Variants in FGD6 observed in about 807,000 individuals in gnomAD.
FGD6 encodes FYVE, RhoGEF and PH domain-containing protein 6.
Under a neutral mutation model 149.4 loss-of-function variants are expected in FGD6, and 90 were observed. The observed-to-expected ratio is 0.60, with a 90% CI of 0.51 to 0.72. The LOEUF (loss-of-function observed/expected upper bound fraction) is 0.72, where lower values mean the gene tolerates loss of function less well. Among genes scored for constraint, FGD6 ranks in the 30% least tolerant of loss-of-function variants. The pLI is 0.00. For synonymous variants in FGD6, 527 were observed against 584.0 expected, an observed-to-expected ratio of 0.90 and a Z score of 1.41; for missense variants, 1,437 against 1,684.8, an observed-to-expected ratio of 0.85 and a Z score of 2.57.
intron 2 of FGD6, among the ~76,000 whole-genome samples, chr12:95,179,659 T>C (rs1025668371): frequency 1.3e-5 from 2 of 152,176 alleles, no homozygotes; most frequent in Non-Finnish European, 2.9e-5. Context: ...TTGCAACTTT[T>C]ATATGTAATT....
At chr12:95,216,690 A>AAAC (rs1184700330) in intron 1 of FGD6, among the ~76,000 whole-genome samples, 1 of 132,400 alleles carries the variant, frequency 7.6e-6, no homozygotes, top group Non-Finnish European at 1.6e-5. Context: ...AAAAAAAAAA[A>AAAC]ACCTCAACAA....
At chr12:95,116,938 G>A (rs934594659) in intron 8 of FGD6, 8 of 455,662 alleles carry the variant, frequency 1.8e-5, no homozygotes, top group Admixed American at 1.2e-4. Context: ...TGAGTCAGAT[G>A]GGAGGAACAG....
At chr12:95,185,022 A>G (rs1204137776) in intron 2 of FGD6, among the ~76,000 whole-genome samples, 1 of 151,830 alleles carries the variant, frequency 6.6e-6, no homozygotes, top group African/African-American at 2.4e-5. Context: ...GACAGGCGCC[A>G]GCCACCATGC....
At chr12:95,202,732 T>C (rs2056669745) in intron 2 of FGD6, among the ~76,000 whole-genome samples, 1 of 152,120 alleles carries the variant, frequency 6.6e-6, no homozygotes, top group South Asian at 2.1e-4. Context: ...ACAGCTTTAT[T>C]GCCAAGAAAG....
At chr12:95,121,046 T>C (rs1238833481) in intron 8 of FGD6, among the ~76,000 whole-genome samples, 1 of 152,208 alleles carries the variant, frequency 6.6e-6, no homozygotes, top group African/African-American at 2.4e-5. Context: ...CTTTTTACTT[T>C]GACTGTATTT....
intron 15 of FGD6, among the ~76,000 whole-genome samples, 185 bp downstream of exon 15, chr12:95,094,406 CA>C (rs1471930938): frequency 2.0e-5 from 3 of 152,072 alleles, no homozygotes; most frequent in Non-Finnish European, 4.4e-5. Flanking sequence ...CACAGACTTG[CA>C]GTGAGACAAC....
At chr12:95,102,443 CAA>C (rs55926317) in intron 14 of FGD6, among the ~76,000 whole-genome samples, 7 of 104,202 alleles carry the variant, frequency 6.7e-5, no homozygotes, top group East Asian at 2.9e-4. Flanking sequence ...GACCCTTTCT[CAA>C]AAAAAAAAAA....
chr12:95,159,985 T>C (rs1319192393), intron 3 of FGD6, among the ~76,000 whole-genome samples: 1 of 151,112 alleles, frequency 6.6e-6, no homozygotes, highest in East Asian at 1.9e-4. Context: ...CTAGTTTGGG[T>C]GACAGGGTGA....
intron 3 of FGD6, among the ~76,000 whole-genome samples, chr12:95,163,566 G>A (rs1423062403): frequency 1.3e-5 from 2 of 152,158 alleles, no homozygotes; most frequent in African/African-American, 4.8e-5. Context: ...TAATATTTAC[G>A]AATAAGCAAA....
At chr12:95,129,272 CATGCATCT>C (rs1275855711) in intron 8 of FGD6, among the ~76,000 whole-genome samples, 23 of 105,194 alleles carry the variant, frequency 2.2e-4, no homozygotes, top group Non-Finnish European at 2.6e-4. Flanking sequence ...TCCATCCGTC[CATGCATCT>C]ATGCATCCAT....
chr12:95,203,608 G>C (rs2056674552), intron 2 of FGD6, among the ~76,000 whole-genome samples: 1 of 152,118 alleles, frequency 6.6e-6, no homozygotes, highest in African/African-American at 2.4e-5. Context: ...CACCTCAATG[G>C]GCAGAAGTTC....
In FGD6 at chr12:95,210,177, C is replaced by T. The variant is rs900145004; in HGVS notation, c.1107G>A (p.Leu369=). 1.2e-6 allele frequency: 2 copies of T among 1,613,830 alleles called. No individual in the cohort carries two copies. The highest frequency in any genetic ancestry group is 2.7e-5 in the African/African-American group (2 of 74,904). ...NKISVLHQNV[L]CKQEQVDKMK... ...TTTTATCCACCTGTTCCTGCTTACA[C>T]AAAACATTCTGATGCAGAACACTGA... is the stretch of plus-strand genomic sequence containing the variant. The change falls in exon 2 of 21, where the codon TTG becomes TTA. Residue 369 remains leucine, a synonymous_variant. Coordinates refer to ENST00000343958, the MANE Select transcript of FGD6 (RefSeq NM_018351.4).
At chr12:95,102,368 C>T (rs966086664) in intron 14 of FGD6, among the ~76,000 whole-genome samples, 1 of 139,862 alleles carries the variant, frequency 7.1e-6, no homozygotes, top group Non-Finnish European at 1.5e-5. Context: ...CGCTTGAAGC[C>T]GGGAGGCGGG....
chr12:95,098,823 C>CCTCCTCCA (rs1435962643), intron 14 of FGD6, among the ~76,000 whole-genome samples: 1 of 151,830 alleles, frequency 6.6e-6, no homozygotes, highest in Non-Finnish European at 1.5e-5. Flanking sequence ...AAGTGCGTGT[C>CCTCCTCCA]CTCCTCCATG....
chr12:95,155,145 C>A (rs1353595971), intron 3 of FGD6, among the ~76,000 whole-genome samples: 1 of 152,082 alleles, frequency 6.6e-6, no homozygotes, highest in Non-Finnish European at 1.5e-5. Context: ...TTATTTGTTA[C>A]TTTATTAAAG....
At chr12:95,216,790 C>G (rs2056808759) in intron 1 of FGD6, among the ~76,000 whole-genome samples, 1 of 152,002 alleles carries the variant, frequency 6.6e-6, no homozygotes, top group Admixed American at 6.6e-5. Flanking sequence ...AAAGGTTTAC[C>G]AGCAGATACA....
intron 1 of FGD6, among the ~76,000 whole-genome samples, chr12:95,213,788 A>C (rs1445429114): frequency 1.1e-4 from 17 of 152,220 alleles, no homozygotes. Flanking sequence ...TTCCCAATAA[A>C]TATAGCAAAG....
At chr12:95,117,825 T>C (rs1462616380) in intron 8 of FGD6, among the ~76,000 whole-genome samples, 1 of 151,584 alleles carries the variant, frequency 6.6e-6, no homozygotes, top group Non-Finnish European at 1.5e-5. Flanking sequence ...GGGCGGATCA[T>C]GAGGTCAAGA....
intron 2 of FGD6, among the ~76,000 whole-genome samples, chr12:95,191,986 C>T (rs1424480971): frequency 6.6e-6 from 1 of 152,128 alleles, no homozygotes; most frequent in Non-Finnish European, 1.5e-5. Flanking sequence ...GATCCACCTC[C>T]CAAAATGCTA....
Sources: gnomAD v4.1 joint callset for allele counts (sites outside exome capture counted in the v4.1 genomes callset) on GRCh38, gnomAD v4.1.1 for gene constraint, MANE v1.5 for transcripts, NCBI Gene and HGNC (gene_info 2026-07-23, HGNC 2026-07-21) for gene names.